The following TEAD4 variants were observed in gnomAD, a reference collection of about 807,000 sequenced individuals.
TEAD4 encodes the protein transcriptional enhancer factor TEF-3.
In TEAD4, 36 loss-of-function variants were observed where a neutral mutation model predicts 52.4. That is an observed-to-expected ratio of 0.69 (90% confidence interval 0.53 to 0.91). The LOEUF is 0.91. TEAD4 is among the 40% of genes least tolerant of loss of function. The pLI, the probability that TEAD4 is intolerant of heterozygous loss-of-function variation, is 0.00. For synonymous variants in TEAD4, 220 were observed against 231.0 expected, an observed-to-expected ratio of 0.95 and a Z score of 0.43; for missense variants, 508 against 583.9, an observed-to-expected ratio of 0.87 and a Z score of 1.34.
At chr12:3,020,385 G>A (rs552158859) in intron 8 of TEAD4, among the ~76,000 whole-genome samples, 36 of 24,742 alleles carry the variant, frequency 1.5e-3, no homozygotes, top group African/African-American at 1.8e-3. Flanking sequence ...CTTGCTCGGC[G>A]GTTCCATGCA....
At chr12:3,015,587 C>T (rs764136743) in intron 5 of TEAD4, among the ~76,000 whole-genome samples, 27 of 152,364 alleles carry the variant, frequency 1.8e-4, no homozygotes, top group Non-Finnish European at 2.2e-4. Flanking sequence ...CATGGAGCTG[C>T]GTGTGGACCG....
At chr12:3,036,174 A>G (rs982049307) in intron 10 of TEAD4, among the ~76,000 whole-genome samples, 4 of 152,176 alleles carry the variant, frequency 2.6e-5, no homozygotes, top group East Asian at 1.9e-4. Flanking sequence ...AGGCAGGTGC[A>G]CTGAACCATA....
chr12:2,979,483 G>A (rs973147245), intron 2 of TEAD4, among the ~76,000 whole-genome samples: 7 of 152,240 alleles, frequency 4.6e-5, no homozygotes, highest in African/African-American at 1.4e-4. Context: ...CCAGGTAGAC[G>A]AAGTGCGGCG....
chr12:2,988,911 A>G (rs2098240875), intron 2 of TEAD4, among the ~76,000 whole-genome samples: 1 of 152,018 alleles, frequency 6.6e-6, no homozygotes, highest in African/African-American at 2.4e-5. Flanking sequence ...AGCTTCTCGA[A>G]CCGTCCCACG....
chr12:3,039,996 T>A, intron 11 of TEAD4, 111 bp from the exon 12 acceptor site: 1 of 1,462,200 alleles, frequency 6.8e-7, no homozygotes, highest in South Asian at 1.3e-5. Flanking sequence ...TGGGGGTGAC[T>A]CTTTTCTTAA....
In TEAD4 at chr12:3,033,492, C is replaced by T. The variant is rs569984165; in HGVS notation, c.898-4476C>T. On this transcript the variant is annotated intron_variant, in intron 10 of 12. Transcript: ENST00000359864. ...AACGCCGCTCTGCACATTGGAAATG[C>T]CAGGCAGAGCCGGGCTGCACCGTGG... is the stretch of plus-strand genomic sequence containing the variant. 2.0e-5 allele frequency among the ~76,000 whole-genome samples: 3 copies of T among 152,298 alleles called. No individual in the cohort carries two copies. The East Asian group carries it at 5.8e-4, about 29-fold the overall frequency.
intron 4 of TEAD4, among the ~76,000 whole-genome samples, chr12:3,011,858 G>A (rs901333689): frequency 2.5e-4 from 38 of 151,906 alleles, no homozygotes; most frequent in African/African-American, 8.9e-4. Flanking sequence ...TAGAAATGGA[G>A]TTTCACTGTG....
In TEAD4 at chr12:3,020,759, C is replaced by A. The variant is rs763628398; in HGVS notation, c.709C>A (p.Gln237Lys). ...GTTCTCTGCCTTCCTGGAGCAGCAG[C>A]AGGACCCGGACACGGTAGGTCCTGG... The change falls in exon 9 of 13, where the codon CAG becomes AAG. Residue 237 changes from glutamine (Q) to lysine (K), a missense_variant. Physicochemically the swap from Gln to Lys is moderately conservative, Grantham distance 53. Coordinates refer to ENST00000359864, the MANE Select transcript of TEAD4 (RefSeq NM_003213.4). 37 of 1,606,518 alleles carry A rather than the reference C, an allele frequency of 2.3e-5. No individual in the cohort carries two copies. In the South Asian group the frequency reaches 4.0e-4, roughly 17 times the overall value.
chr12:3,025,488 T>C (rs950837192), intron 10 of TEAD4, among the ~76,000 whole-genome samples: 2 of 152,142 alleles, frequency 1.3e-5, no homozygotes, highest in African/African-American at 4.8e-5. Context: ...GGATAAAGAA[T>C]CTAGATCATA....
rs115927514 is a variant in TEAD4 at position 2,960,254 on chromosome 12, C to A, written c.-30+214C>A. The A allele has an allele frequency of 4.1e-6, 4 of 981,324 alleles. No homozygotes were observed. The African/African-American group carries it at 7.0e-5, about 17-fold the overall frequency. The allele number at this position is 981,324 out of a possible 1,614,324, so 60.8% of individuals were successfully genotyped here. On this transcript the variant is annotated intron_variant, in intron 2 of 12. Transcript: ENST00000359864. The stretch of plus-strand genomic sequence containing the variant: ...AAAGGGAGGCCGGTGTGGAAAGGAC[C>A]GGAGAGGCAGAACCGAGAGCATCGG...
chr12:3,016,148 T>A (rs1057492091), intron 5 of TEAD4, among the ~76,000 whole-genome samples: 7 of 152,066 alleles, frequency 4.6e-5, no homozygotes, highest in African/African-American at 1.7e-4. Context: ...CCACCTCAGC[T>A]CCTTGAGTAG....
chr12:2,969,849 C>T (rs1027802589), intron 2 of TEAD4, among the ~76,000 whole-genome samples: 1 of 152,184 alleles, frequency 6.6e-6, no homozygotes, highest in Admixed American at 6.5e-5. Flanking sequence ...CCCCCACAAC[C>T]CCAGAGAGCA....
chr12:3,011,771 T>C (rs749450177), intron 4 of TEAD4, among the ~76,000 whole-genome samples: 3 of 152,190 alleles, frequency 2.0e-5, no homozygotes, highest in Non-Finnish European at 4.4e-5. Flanking sequence ...GTTCAAGCGA[T>C]TCTCCTACCT....
chr12:2,982,664 C>T (rs2098235050), intron 2 of TEAD4, among the ~76,000 whole-genome samples: 1 of 152,222 alleles, frequency 6.6e-6, no homozygotes, highest in Non-Finnish European at 1.5e-5. Flanking sequence ...CCAGTGACGG[C>T]TGTGAACCTG....
intron 10 of TEAD4, among the ~76,000 whole-genome samples, chr12:3,033,222 G>A (rs1239832690): frequency 1.3e-5 from 2 of 152,182 alleles, no homozygotes; most frequent in Non-Finnish European, 2.9e-5. Flanking sequence ...TACTGAGGGC[G>A]CTGTGGTGGT....
intron 2 of TEAD4, among the ~76,000 whole-genome samples, chr12:2,962,432 T>G (rs1374716401): frequency 6.7e-6 from 1 of 149,958 alleles, no homozygotes; most frequent in East Asian, 2.0e-4. Context: ...GCCTCCCGGG[T>G]TCAAGCGATT....
intron 2 of TEAD4, among the ~76,000 whole-genome samples, chr12:2,986,255 G>T (rs2153954476): frequency 6.6e-6 from 1 of 152,264 alleles, no homozygotes; most frequent in East Asian, 1.9e-4. Context: ...CAGGGTAACA[G>T]TGTCTTTTTC....
intron 2 of TEAD4, among the ~76,000 whole-genome samples, chr12:2,990,519 T>C (rs1419989074): frequency 8.1e-6 from 1 of 124,154 alleles, no homozygotes; most frequent in Non-Finnish European, 1.6e-5. Context: ...TAGGCTGGAG[T>C]GCAGTGGCGT....
At chr12:2,990,343 G>C (rs180737625) in intron 2 of TEAD4, among the ~76,000 whole-genome samples, 5 of 151,664 alleles carry the variant, frequency 3.3e-5, no homozygotes, top group African/African-American at 1.2e-4. Context: ...ATTGGCTAGA[G>C]GTTACTAAGC....
Sources: allele counts gnomAD v4.1 joint callset (sites outside exome capture counted in the v4.1 genomes callset), GRCh38; gene constraint gnomAD v4.1.1; transcripts MANE v1.5; gene names NCBI Gene and HGNC (gene_info 2026-07-23, HGNC 2026-07-21).